The following ADAM32 variants were observed in gnomAD, a reference collection of about 807,000 sequenced individuals.
ADAM32 encodes the protein ADAM metallopeptidase domain 32.
In ADAM32, 89 loss-of-function variants were observed where a neutral mutation model predicts 114.9. The ratio of observed to expected loss-of-function variants is 0.77; its 90% CI spans 0.65 to 0.92. ADAM32 has a LOEUF of 0.92. ADAM32 is among the 40% of genes least tolerant of loss of function. The pLI, the probability that ADAM32 is intolerant of heterozygous loss-of-function variation, is 0.00. For missense variants in ADAM32, 870 were observed against 932.8 expected (o/e 0.93, Z 0.88); for synonymous variants, 285 against 307.5 (o/e 0.93, Z 0.77).
chr8:39,281,149 G>C lies in ADAM32; in HGVS notation c.2293G>C (p.Asp765His), dbSNP rs1813395827. 7.4e-7 allele frequency: 1 copy of C among 1,355,766 alleles called. No homozygotes were observed. The highest frequency in any genetic ancestry group is 9.7e-7 in the Non-Finnish European group (1 of 1,030,990). The allele number at this position is 1,355,766 out of a possible 1,614,324, so 84.0% of individuals were successfully genotyped here. ...ATTTATTTTTAGATCCAAATCAGAA[G>C]ATAGTGCTGAAGCATATACTAGCAG... ...QADTSKSKSE[D>H]SAEAYTSRSK... The change falls in exon 23 of 25, where the codon GAT becomes CAT. Residue 765 changes from aspartate (D) to histidine (H), a missense_variant. Physicochemically the swap from Asp to His is moderately conservative, Grantham distance 81. Coordinates refer to ENST00000379907, the MANE Select transcript of ADAM32 (RefSeq NM_145004.7).
intron 9 of ADAM32, chr8:39,166,850 T>A (rs1251551171): frequency 6.6e-6 from 1 of 152,224 alleles, no homozygotes; most frequent in African/African-American, 2.4e-5. Context: ...GAGAATTGTC[T>A]ATTCATGTCC....
chr8:39,258,636 T>G (rs1456476989), intron 19 of ADAM32, among the ~76,000 whole-genome samples: 2 of 152,160 alleles, frequency 1.3e-5, no homozygotes, highest in Admixed American at 1.3e-4. Context: ...GAAGTAAATT[T>G]TTATAAATGT....
intron 10 of ADAM32, among the ~76,000 whole-genome samples, chr8:39,185,610 A>G (rs977119273): frequency 2.0e-5 from 3 of 152,184 alleles, no homozygotes; most frequent in African/African-American, 7.2e-5. Context: ...GTAGGCTCCC[A>G]TTAAGTCTAA....
intron 7 of ADAM32, among the ~76,000 whole-genome samples, chr8:39,163,376 A>C (rs1804630323): frequency 6.6e-6 from 1 of 152,200 alleles, no homozygotes. Context: ...AAATATTTTA[A>C]ATAGGGGAGT....
At chr8:39,277,755 G>A (rs1346787639) in intron 22 of ADAM32, among the ~76,000 whole-genome samples, 4 of 152,246 alleles carry the variant, frequency 2.6e-5, no homozygotes, top group South Asian at 2.1e-4. Flanking sequence ...ACTTTTGGGC[G>A]CCGGCAGGGG....
Position 39,212,512 on chromosome 8 carries a change from T to C in ADAM32, c.1233+1188T>C, listed in dbSNP as rs144157522. On this transcript the variant is annotated intron_variant, in intron 12 of 24. Transcript: ENST00000379907. ...TACCTCCACCTGTCTCCAGATAATTTCTGATTCTGTTACCTTTGCCTGGTC... is the reference window on the plus strand; with the variant it reads ...TACCTCCACCTGTCTCCAGATAATTCCTGATTCTGTTACCTTTGCCTGGTC... 6.3e-4 allele frequency among the ~76,000 whole-genome samples: 96 copies of C among 152,332 alleles called. 1 individual carries two copies. The highest frequency in any genetic ancestry group is 2.2e-3 in the African/African-American group (93 of 41,582).
intron 18 of ADAM32, among the ~76,000 whole-genome samples, chr8:39,256,859 T>G (rs1208615986): frequency 6.6e-6 from 1 of 152,012 alleles, no homozygotes; most frequent in Non-Finnish European, 1.5e-5. Flanking sequence ...TAAGAGTGCA[T>G]TTTTGGATAA....
At chr8:39,254,181 T>C (rs1811479376) in intron 17 of ADAM32, among the ~76,000 whole-genome samples, 1 of 151,404 alleles carries the variant, frequency 6.6e-6, no homozygotes. Flanking sequence ...TTTCAAGGTG[T>C]CAAATTTTCT....
At chr8:39,174,666 G>A (rs552709748) in intron 10 of ADAM32, among the ~76,000 whole-genome samples, 2 of 101,370 alleles carry the variant, frequency 2.0e-5, no homozygotes, top group Non-Finnish European at 3.8e-5. Flanking sequence ...CCCCTCCCCC[G>A]ACCCCACAAC....
At chr8:39,263,118 A>C (rs1812147357) in intron 19 of ADAM32, among the ~76,000 whole-genome samples, 1 of 152,148 alleles carries the variant, frequency 6.6e-6, no homozygotes, top group Non-Finnish European at 1.5e-5. Context: ...TTTATTCTGG[A>C]GGAAGTACAT....
chr8:39,232,340 G>A (rs1809797009), intron 15 of ADAM32, among the ~76,000 whole-genome samples: 1 of 152,002 alleles, frequency 6.6e-6, no homozygotes, highest in Non-Finnish European at 1.5e-5. Context: ...ATACGTGAAT[G>A]GCCATTATGT....
At chr8:39,160,866 A>G (rs750936152) in intron 6 of ADAM32, 31 bp from the exon 7 acceptor site, 21 of 1,520,190 alleles carry the variant, frequency 1.4e-5, no homozygotes, top group Admixed American at 2.2e-5. Context: ...GAAATTTTTC[A>G]TGTATTATAT....
At chr8:39,204,357 C>T (rs777856287) in intron 11 of ADAM32, among the ~76,000 whole-genome samples, 2 of 152,152 alleles carry the variant, frequency 1.3e-5, no homozygotes, top group Non-Finnish European at 1.5e-5. Context: ...CTCTAAACTT[C>T]TTTCTCGCTT....
rs78005358 is a variant in ADAM32, at chr8:39,134,580, A to T, written c.139-2077A>T. On this transcript the variant is annotated intron_variant, in intron 2 of 24. Coordinates refer to ENST00000379907, the MANE Select transcript of ADAM32 (RefSeq NM_145004.7). The stretch of plus-strand genomic sequence containing the variant: ...CTGTTTGACATGTGCTTATCTGCTC[A>T]CTGTTTTGGTACCTCTTTGTTGAGG... 5.2e-3 allele frequency among the ~76,000 whole-genome samples: 798 copies of T among 152,180 alleles called. 19 individuals carry two copies. The highest frequency in any genetic ancestry group is 8.1e-3 in the East Asian group (42 of 5,158).
At chr8:39,277,613 G>C (rs1169087301) in intron 22 of ADAM32, among the ~76,000 whole-genome samples, 1 of 152,184 alleles carries the variant, frequency 6.6e-6, no homozygotes, top group Non-Finnish European at 1.5e-5. Context: ...CTGCTAGAGT[G>C]CAGGAGCGCT....
chr8:39,232,485 C>A (rs970078503), intron 15 of ADAM32, among the ~76,000 whole-genome samples: 34 of 152,092 alleles, frequency 2.2e-4, no homozygotes, highest in African/African-American at 7.5e-4. Flanking sequence ...TCAATTCCTC[C>A]TGAATCTGAA....
At chr8:39,174,769 C>A (rs987344135) in intron 10 of ADAM32, among the ~76,000 whole-genome samples, 8 of 149,584 alleles carry the variant, frequency 5.3e-5, no homozygotes, top group African/African-American at 2.0e-4. Flanking sequence ...CTATAAATTG[C>A]TTTGGGCAGT....
At chr8:39,231,331 G>C (rs9298563) in intron 14 of ADAM32, among the ~76,000 whole-genome samples, 151,548 of 152,222 alleles carry the variant, frequency 1, 75,444 homozygotes, top group Middle Eastern at 1. Context: ...AGCTAGTAAA[G>C]CTACAACTGC....
intron 6 of ADAM32, among the ~76,000 whole-genome samples, chr8:39,156,701 A>G (rs545261834): frequency 6.6e-6 from 1 of 152,262 alleles, no homozygotes; most frequent in South Asian, 2.1e-4. Context: ...ACTAAGTTGT[A>G]GTTTCTTCTG....
Sources: allele counts gnomAD v4.1 joint callset (sites outside exome capture counted in the v4.1 genomes callset), GRCh38; gene constraint gnomAD v4.1.1; transcripts MANE v1.5; gene names NCBI Gene and HGNC (gene_info 2026-07-23, HGNC 2026-07-21).